The following AMZ1 variants were observed in gnomAD, a reference collection of about 807,000 sequenced individuals.
AMZ1 encodes archaelysin family metallopeptidase 1.
In AMZ1, 39 loss-of-function variants were observed where a neutral mutation model predicts 29.9. The ratio of observed to expected loss-of-function variants is 1.30; its 90% CI spans 1.01 to 1.70. The LOEUF (loss-of-function observed/expected upper bound fraction) is 1.70. Ranked by LOEUF, AMZ1 falls within the 40% of genes most tolerant of loss-of-function variation. The pLI, the probability that AMZ1 is intolerant of heterozygous loss-of-function variation, is 0.00. For synonymous variants in AMZ1, 458 were observed against 304.0 expected (o/e 1.51, Z -5.27); for missense variants, 1,041 against 680.6 (o/e 1.53, Z -5.89).
In AMZ1 at chr7:2,700,324, C is replaced by T. The variant is rs1328724715; in HGVS notation, c.-128C>T. On this transcript the variant is annotated 5_prime_UTR_variant, in exon 2 of 7. It introduces an in-frame stop codon into an upstream open reading frame of the 5' UTR. Coordinates refer to ENST00000683327, the MANE Select transcript of AMZ1 (RefSeq NM_001384743.1). ...GGGCCCTTGGACCAGTGTCTGTCTG[C>T]AGGGAGCCCCCGGTAGCCACTCGGA... 9 of 1,095,988 alleles carry T rather than the reference C, an allele frequency of 8.2e-6. No individual in the cohort carries two copies. Among genetic ancestry groups the T allele is most frequent in the African/African-American group, 4.8e-5 (3 of 63,144 alleles). The allele number at this position is 1,095,988 out of a possible 1,614,324, so 67.9% of individuals were successfully genotyped here.
chr7:2,763,508 G>A (rs1044623377), upstream of AMZ1, among the ~76,000 whole-genome samples: 2 of 152,246 alleles, frequency 1.3e-5, no homozygotes, highest in African/African-American at 4.8e-5. Context: ...CTATGGCTGA[G>A]GATGAAGCTC....
At chr7:2,736,533 G>A (rs1010009056) in intron 4 of AMZ1, among the ~76,000 whole-genome samples, 1 of 152,188 alleles carries the variant, frequency 6.6e-6, no homozygotes, top group Admixed American at 6.5e-5. Context: ...AGTGAAAGAG[G>A]GGTTGTCTGT....
intron 4 of AMZ1, among the ~76,000 whole-genome samples, chr7:2,726,428 G>T (rs1002914914): frequency 6.6e-6 from 1 of 152,212 alleles, no homozygotes; most frequent in African/African-American, 2.4e-5. Context: ...GGAGAAACCT[G>T]TATGAGTTGG....
At chr7:2,738,431 G>C (rs1278948759) in intron 4 of AMZ1, among the ~76,000 whole-genome samples, 1 of 152,318 alleles carries the variant, frequency 6.6e-6, no homozygotes, top group Admixed American at 6.5e-5. Context: ...CACCGGCGAA[G>C]GAGAAGAGCT....
At chr7:2,741,898 T>G (rs1458331652) in intron 4 of AMZ1, among the ~76,000 whole-genome samples, 2 of 151,444 alleles carry the variant, frequency 1.3e-5, no homozygotes, top group African/African-American at 4.9e-5. Context: ...CCGAGGTTTA[T>G]CTAATATATA....
rs1422494998 is a variant in AMZ1 at position 2,712,740 on chromosome 7, C to G, written c.1359C>G (p.Asp453Glu). 1 of 1,605,976 alleles carries G rather than the reference C, an allele frequency of 6.2e-7. No homozygotes were observed. The highest frequency in any genetic ancestry group is 8.5e-7 in the Non-Finnish European group (1 of 1,175,632). ...FTGQLPATRQDPPSSRDSVGL... is the reference protein window; with the variant it reads ...FTGQLPATRQEPPSSRDSVGL... ...GCCAGCTCCCGGCCACCAGGCAGGA[C>G]CCACCCAGCAGCAGGGACAGCGTGG... Residue 453 changes from aspartate to glutamate, a missense_variant, in exon 7 of 7, where the codon GAC becomes GAG. Asp to Glu is a conservative substitution (Grantham distance 45, BLOSUM62 2). Transcript: ENST00000683327.
intron 3 of AMZ1, among the ~76,000 whole-genome samples, chr7:2,704,272 G>T (rs1416446840): frequency 6.6e-6 from 1 of 152,222 alleles, no homozygotes; most frequent in Non-Finnish European, 1.5e-5. Flanking sequence ...AGAGGCTGAG[G>T]TGGGAGGATA....
At chr7:2,702,682 C>T (rs1439088596) in intron 2 of AMZ1, 40 bp from the exon 3 acceptor site, 2 of 1,490,698 alleles carry the variant, frequency 1.3e-6, no homozygotes, top group Admixed American at 4.4e-5. Flanking sequence ...CCCAGGCGGG[C>T]AGGGGCGTCG....
intron 4 of AMZ1, among the ~76,000 whole-genome samples, chr7:2,727,503 G>A (rs1184570242): frequency 1.3e-5 from 2 of 152,082 alleles, no homozygotes; most frequent in African/African-American, 2.4e-5. Flanking sequence ...AGCCTCCCAA[G>A]TAGCTGGCAC....
At chr7:2,735,127 G>A (rs557595059) in intron 4 of AMZ1, among the ~76,000 whole-genome samples, 2 of 152,024 alleles carry the variant, frequency 1.3e-5, no homozygotes, top group Non-Finnish European at 2.9e-5. Context: ...CCTGATTTAC[G>A]ACAAGTTCCT....
intron 4 of AMZ1, among the ~76,000 whole-genome samples, chr7:2,748,357 A>G (rs540415545): frequency 3.3e-5 from 5 of 152,242 alleles, no homozygotes; most frequent in South Asian, 2.1e-4. Context: ...ATAATGCTGC[A>G]TATCTACAAC....
At chr7:2,753,174 A>C (rs1006666693) in intron 4 of AMZ1, among the ~76,000 whole-genome samples, 1 of 151,752 alleles carries the variant, frequency 6.6e-6, no homozygotes, top group African/African-American at 2.4e-5. Flanking sequence ...TTAAAAAAAG[A>C]GACAGGGTCT....
chr7:2,697,388 C>G (rs112777192), intron 1 of AMZ1, among the ~76,000 whole-genome samples: 1 of 152,032 alleles, frequency 6.6e-6, no homozygotes, highest in Non-Finnish European at 1.5e-5. Context: ...TGAGCTGCTG[C>G]GCCCGGCTCT....
intron 4 of AMZ1, chr7:2,730,304 G>A (rs559723243): frequency 6.5e-6 from 1 of 152,690 alleles, no homozygotes; most frequent in South Asian, 2.1e-4. Context: ...AGGGGACCTG[G>A]TTTCTGTGTC....
At chr7:2,706,939 A>C (rs909003659) in intron 3 of AMZ1, among the ~76,000 whole-genome samples, 2 of 151,900 alleles carry the variant, frequency 1.3e-5, no homozygotes, top group African/African-American at 4.9e-5. Context: ...GTGAGCTGTG[A>C]TTGTACTCCA....
At chr7:2,699,446 C>T (rs116080392) in intron 1 of AMZ1, among the ~76,000 whole-genome samples, 4 of 152,178 alleles carry the variant, frequency 2.6e-5, no homozygotes, top group South Asian at 4.1e-4. Flanking sequence ...TTGGCACAAA[C>T]GCCTGCCCTG....
intron 4 of AMZ1, among the ~76,000 whole-genome samples, chr7:2,744,804 C>G (rs1399439293): frequency 6.6e-6 from 1 of 152,034 alleles, no homozygotes; most frequent in Non-Finnish European, 1.5e-5. Context: ...CTAGAATAAC[C>G]AATGCAGAGA....
At chr7:2,689,397 TC>T (rs1787254568) in intron 1 of AMZ1, among the ~76,000 whole-genome samples, 1 of 152,040 alleles carries the variant, frequency 6.6e-6, no homozygotes, top group Non-Finnish European at 1.5e-5. Flanking sequence ...CGTGCTCTTT[TC>T]CAGTCTTTGG....
At chr7:2,725,797 A>T (rs1562385579) in intron 4 of AMZ1, among the ~76,000 whole-genome samples, 1 of 152,350 alleles carries the variant, frequency 6.6e-6, no homozygotes, top group South Asian at 2.1e-4. Context: ...TCCAGGTCCA[A>T]CACAACGCCT....
Sources: gnomAD v4.1 joint callset for allele counts (sites outside exome capture counted in the v4.1 genomes callset) on GRCh38, gnomAD v4.1.1 for gene constraint, MANE v1.5 for transcripts, NCBI Gene and HGNC (gene_info 2026-07-23, HGNC 2026-07-21) for gene names.